CTNNA2: variants seen among roughly 807,000 people sequenced by gnomAD.
CTNNA2 encodes catenin alpha 2, also known as catenin alpha-2.
CTNNA2 carries 42 observed loss-of-function variants against 101.0 expected under a neutral mutation model. That is an observed-to-expected ratio of 0.42 (90% CI 0.32 to 0.54). The LOEUF is 0.54. Ranked by LOEUF, CTNNA2 falls within the 20% of genes least tolerant of loss-of-function variation. The pLI, the probability that CTNNA2 is intolerant of heterozygous loss-of-function variation, is 0.14. For missense variants in CTNNA2, 871 were observed against 1,223.1 expected (o/e 0.71, Z 4.29); for synonymous variants, 450 against 456.4 (o/e 0.99, Z 0.18).
intron 7 of CTNNA2, among the ~76,000 whole-genome samples, chr2:80,097,446 CT>C (rs945562494): frequency 1.3e-5 from 2 of 152,080 alleles, no homozygotes; most frequent in Non-Finnish European, 2.9e-5. Context: ...ATATTTTTTC[CT>C]TCATTTCAAC....
intron 9 of CTNNA2, among the ~76,000 whole-genome samples, chr2:80,511,802 A>C (rs1398206199): frequency 6.6e-6 from 1 of 152,216 alleles, no homozygotes; most frequent in Non-Finnish European, 1.5e-5. Context: ...TGTATCTTTT[A>C]GAAGTAGAGC....
At chr2:79,309,147 C>T (rs1676310459) in intron 2 of CTNNA2, among the ~76,000 whole-genome samples, 1 of 152,126 alleles carries the variant, frequency 6.6e-6, no homozygotes, top group Non-Finnish European at 1.5e-5. Context: ...TATGTTTTAA[C>T]ATATCACAAC....
chr2:80,321,253 A>T (rs1678648796), intron 7 of CTNNA2, among the ~76,000 whole-genome samples: 1 of 152,200 alleles, frequency 6.6e-6, no homozygotes, highest in Non-Finnish European at 1.5e-5. Context: ...TGGAAAAAAA[A>T]AGGAAATTGG....
chr2:80,422,137 T>G (rs1413963926), intron 9 of CTNNA2, among the ~76,000 whole-genome samples: 1 of 152,200 alleles, frequency 6.6e-6, no homozygotes, highest in Non-Finnish European at 1.5e-5. Flanking sequence ...TGACTCACAG[T>G]TACACATATG....
intron 2 of CTNNA2, among the ~76,000 whole-genome samples, chr2:79,700,061 G>A (rs1684903333): frequency 6.6e-6 from 1 of 151,668 alleles, no homozygotes; most frequent in Non-Finnish European, 1.5e-5. Flanking sequence ...ACATAGTAAG[G>A]AGAATGGTTT....
At chr2:79,385,783 G>A (rs541105838) in intron 4 of CTNNA2, among the ~76,000 whole-genome samples, 1 of 152,202 alleles carries the variant, frequency 6.6e-6, no homozygotes, top group South Asian at 2.1e-4. Flanking sequence ...AATATGTGGT[G>A]TTTGGTTTTC....
At chr2:79,259,279 A>G (rs566779367) in intron 2 of CTNNA2, among the ~76,000 whole-genome samples, 1 of 152,210 alleles carries the variant, frequency 6.6e-6, no homozygotes, top group East Asian at 1.9e-4. Flanking sequence ...AGCCTACTTT[A>G]CTTCTCCACC....
intron 4 of CTNNA2, among the ~76,000 whole-genome samples, chr2:79,380,240 G>T (rs6713159): frequency 6.6e-6 from 1 of 151,366 alleles, no homozygotes; most frequent in Non-Finnish European, 1.5e-5. Flanking sequence ...TAGGGTTGAA[G>T]ATTTTCTGTT....
chr2:79,640,585 G>C (rs1680383954), intron 1 of CTNNA2, among the ~76,000 whole-genome samples: 1 of 152,072 alleles, frequency 6.6e-6, no homozygotes, highest in African/African-American at 2.4e-5. Flanking sequence ...TTCAGGGTCT[G>C]GGGAAGTACT....
At chr2:80,306,945 G>C (rs1016468080) in intron 7 of CTNNA2, among the ~76,000 whole-genome samples, 1 of 151,870 alleles carries the variant, frequency 6.6e-6, no homozygotes, top group Non-Finnish European at 1.5e-5. Flanking sequence ...AAGAAAGAAA[G>C]GGAATAAAAT....
At chr2:80,525,539 C>A in intron 9 of CTNNA2, among the ~76,000 whole-genome samples, 1 of 152,154 alleles carries the variant, frequency 6.6e-6, no homozygotes, top group East Asian at 1.9e-4. Context: ...CAAACAACAA[C>A]AAAAACCCTG....
chr2:79,727,126 G>A (rs1686894572), intron 2 of CTNNA2, among the ~76,000 whole-genome samples: 1 of 152,194 alleles, frequency 6.6e-6, no homozygotes, highest in Non-Finnish European at 1.5e-5. Context: ...TTGAAAAATT[G>A]TTTTGCACAT....
chr2:80,306,698 G>C (rs757320080), intron 7 of CTNNA2, among the ~76,000 whole-genome samples: 3 of 152,128 alleles, frequency 2.0e-5, no homozygotes, highest in South Asian at 2.1e-4. Flanking sequence ...GTTGGGAGGT[G>C]GGGGAGGGGT....
chr2:79,752,878 A>G (rs1417578027), intron 3 of CTNNA2, among the ~76,000 whole-genome samples: 47 of 152,246 alleles, frequency 3.1e-4, no homozygotes, highest in Admixed American at 3.0e-3. Flanking sequence ...ATTATAATAC[A>G]AAGAAAGACA....
At position 79,378,679 on chromosome 2, in the gene CTNNA2, G is replaced by T. The variant is rs112065399; in HGVS notation, c.-135+4666G>T. Reference sequence around the variant, plus strand: ...TGTCCAAAAGCTGAACTTTTACTTAGAGGTGCTTGGGTTCTCAGAAATACA... The same window carrying T: ...TGTCCAAAAGCTGAACTTTTACTTATAGGTGCTTGGGTTCTCAGAAATACA... On this transcript the variant is annotated intron_variant, in intron 4 of 21. Coordinates refer to the CTNNA2 transcript ENST00000466387. 2.5e-3 allele frequency among the ~76,000 whole-genome samples: 378 copies of T among 152,156 alleles called. 3 individuals carry two copies. The highest frequency in any genetic ancestry group is 8.5e-3 in the African/African-American group (354 of 41,488).
chr2:80,324,610 T>A (rs1255660023), intron 7 of CTNNA2, among the ~76,000 whole-genome samples: 1 of 152,168 alleles, frequency 6.6e-6, no homozygotes, highest in East Asian at 1.9e-4. Context: ...GGGAGACTGA[T>A]TTACATGAAA....
chr2:79,987,887 T>G (rs1443690260), intron 7 of CTNNA2, among the ~76,000 whole-genome samples: 1 of 152,244 alleles, frequency 6.6e-6, no homozygotes, highest in Non-Finnish European at 1.5e-5. Context: ...ATATTCAGAT[T>G]AAACAAATAA....
At chr2:80,525,283 G>T (rs929142103) in intron 9 of CTNNA2, among the ~76,000 whole-genome samples, 1 of 151,868 alleles carries the variant, frequency 6.6e-6, no homozygotes, top group African/African-American at 2.4e-5. Context: ...TGGTTGGATG[G>T]GCTCAGTGTG....
intron 1 of CTNNA2, among the ~76,000 whole-genome samples, chr2:79,533,297 T>C (rs1286509824): frequency 6.6e-6 from 1 of 152,158 alleles, no homozygotes; most frequent in Non-Finnish European, 1.5e-5. Context: ...ATAAGCTTTA[T>C]TCATCTAAGT....
Sources: gnomAD v4.1 joint callset for allele counts (sites outside exome capture counted in the v4.1 genomes callset) on GRCh38, gnomAD v4.1.1 for gene constraint, MANE v1.5 for transcripts, NCBI Gene and HGNC (gene_info 2026-07-23, HGNC 2026-07-21) for gene names.